Variants in PCDHA9 observed in about 807,000 individuals in gnomAD.
PCDHA9 encodes the protein protocadherin alpha-9.
A neutral mutation model predicts 62.0 loss-of-function variants in PCDHA9; 62 were observed. The observed-to-expected ratio is 1.00, with a 90% CI of 0.81 to 1.23. The LOEUF (loss-of-function observed/expected upper bound fraction) is 1.23, where lower values mean the gene tolerates loss of function less well. PCDHA9 is among the 50% of genes most tolerant of loss of function. PCDHA9 has a pLI of 0.00. For missense variants in PCDHA9, 1,205 were observed against 1,249.8 expected, an observed-to-expected ratio of 0.96 and a Z score of 0.54; for synonymous variants, 557 against 567.6, an observed-to-expected ratio of 0.98 and a Z score of 0.27.
At chr5:140,955,654 AT>A (rs1264049969) in intron 1 of PCDHA9, among the ~76,000 whole-genome samples, 1 of 152,208 alleles carries the variant, frequency 6.6e-6, no homozygotes, top group Non-Finnish European at 1.5e-5. Flanking sequence ...TAATACACAT[AT>A]GAATTTTAAC....
intron 3 of PCDHA9, among the ~76,000 whole-genome samples, chr5:140,996,163 A>G (rs183777507): frequency 4.8e-4 from 73 of 152,326 alleles, no homozygotes; most frequent in African/African-American, 1.5e-3. Flanking sequence ...TTATACTGCA[A>G]TGTGCTGACA....
intron 1 of PCDHA9, among the ~76,000 whole-genome samples, chr5:140,893,180 C>G (rs1388898676): frequency 6.6e-6 from 1 of 152,208 alleles, no homozygotes; most frequent in Non-Finnish European, 1.5e-5. Context: ...CACATAGTAG[C>G]TATTGTGAAT....
chr5:140,924,102 T>C (rs1227932285), intron 1 of PCDHA9, among the ~76,000 whole-genome samples: 1 of 152,242 alleles, frequency 6.6e-6, no homozygotes. Context: ...TAAATTTTCA[T>C]TCCAAAGCAG....
chr5:141,008,838 G>A (rs555239899), intron 3 of PCDHA9, among the ~76,000 whole-genome samples: 2 of 152,192 alleles, frequency 1.3e-5, no homozygotes, highest in South Asian at 2.1e-4. Context: ...ATCCTCTTAC[G>A]CTGTGTATTC....
At chr5:140,940,731 G>T (rs1195223562) in intron 1 of PCDHA9, among the ~76,000 whole-genome samples, 2 of 152,162 alleles carry the variant, frequency 1.3e-5, no homozygotes, top group Admixed American at 1.3e-4. Flanking sequence ...CAGCTGGACA[G>T]CTCCATATTT....
At chr5:140,856,459 A>G (rs566691333) in intron 1 of PCDHA9, 2 of 1,598,380 alleles carry the variant, frequency 1.3e-6, no homozygotes, top group South Asian at 2.2e-5. Flanking sequence ...TAACAGAACA[A>G]AAGCTCTCAA....
intron 1 of PCDHA9, chr5:140,852,499 A>G: frequency 3.9e-6 from 1 of 258,480 alleles, no homozygotes; most frequent in Non-Finnish European, 6.5e-6. Context: ...GTTGGTCTCG[A>G]ACTCCTGACC....
chr5:140,885,465 C>T (rs1363216895), intron 1 of PCDHA9, among the ~76,000 whole-genome samples: 1 of 152,144 alleles, frequency 6.6e-6, no homozygotes, highest in Non-Finnish European at 1.5e-5. Context: ...TAATGATGGG[C>T]AATCACTTTG....
chr5:140,905,215 AAGGTG>A (rs2071683869), intron 1 of PCDHA9, among the ~76,000 whole-genome samples: 1 of 152,186 alleles, frequency 6.6e-6, no homozygotes, highest in Non-Finnish European at 1.5e-5. Flanking sequence ...ATTTTTGTGT[AAGGTG>A]AGAGATGAGG....
chr5:140,908,816 G>T (rs1606122), intron 1 of PCDHA9, among the ~76,000 whole-genome samples: 42,837 of 152,040 alleles, frequency 0.28, 6,902 homozygotes, highest in East Asian at 0.53. Flanking sequence ...AGAGCCTTTT[G>T]GGTTACTCGA....
At chr5:140,980,284 T>C (rs1226756896) in intron 2 of PCDHA9, among the ~76,000 whole-genome samples, 6 of 152,182 alleles carry the variant, frequency 3.9e-5, no homozygotes, top group African/African-American at 1.4e-4. Flanking sequence ...TCTTGAAAAG[T>C]ACCAAAGCTA....
rs2096504149 is a variant in PCDHA9 at position 140,971,885 on chromosome 5, T to G, written c.2395-7064T>G. Among the ~76,000 whole-genome samples the G allele has an allele frequency of 2.0e-5, 3 of 152,134 alleles. No individual in the cohort carries two copies. In the South Asian group the frequency reaches 6.2e-4, roughly 31 times the overall value. ...ACATCTAGCATATGAGGAAATAAGC[T>G]CAGGGAGGTTAGGTAATCTACACAG... On this transcript the variant is annotated intron_variant, in intron 1 of 3. Coordinates refer to ENST00000532602, the MANE Select transcript of PCDHA9 (RefSeq NM_031857.2).
chr5:140,983,009 G>C (rs1272086703), intron 3 of PCDHA9, among the ~76,000 whole-genome samples: 2 of 151,884 alleles, frequency 1.3e-5, no homozygotes, highest in Non-Finnish European at 2.9e-5. Flanking sequence ...AAAGAAAAAG[G>C]AAGGAAGGAA....
intron 1 of PCDHA9, chr5:140,870,819 G>T: frequency 3.1e-6 from 5 of 1,613,714 alleles, no homozygotes; most frequent in Non-Finnish European, 4.2e-6. Context: ...CTGGCAGCGC[G>T]GGAGGCGCAG....
intron 1 of PCDHA9, among the ~76,000 whole-genome samples, chr5:140,918,972 A>G (rs782748846): frequency 6.6e-5 from 10 of 152,184 alleles, no homozygotes; most frequent in Non-Finnish European, 1.3e-4. Flanking sequence ...GATATCGTTT[A>G]GGTTAGTTGG....
intron 1 of PCDHA9, chr5:140,856,365 A>C: frequency 3.1e-6 from 5 of 1,598,426 alleles, no homozygotes; most frequent in Non-Finnish European, 2.6e-6. Flanking sequence ...ATCCACCTGG[A>C]GGTGATCGTG....
chr5:140,911,672 C>G (rs1010402307), intron 1 of PCDHA9, among the ~76,000 whole-genome samples: 1 of 152,156 alleles, frequency 6.6e-6, no homozygotes, highest in Non-Finnish European at 1.5e-5. Context: ...TTGCCTCTCA[C>G]GAACCGTGCA....
rs1554151505 is a variant in PCDHA9 at position 140,858,367 on chromosome 5, C to T, written c.2394+7478C>T. 1.8e-5 allele frequency: 28 copies of T among 1,590,300 alleles called. 2 individuals carry two copies. Among genetic ancestry groups the T allele is most frequent in the Non-Finnish European group, 2.3e-5 (27 of 1,162,754 alleles). On this transcript the variant is annotated intron_variant, in intron 1 of 3. Transcript: ENST00000532602. ...CGGACCTCATGGCCTTCAGCCCCAG[C>T]CTTCCACCATGCCCAATGGTAGATG...
chr5:140,931,209 A>C (rs1554208285), intron 1 of PCDHA9, among the ~76,000 whole-genome samples: 1 of 152,184 alleles, frequency 6.6e-6, no homozygotes, highest in African/African-American at 2.4e-5. Context: ...CTAGTATTTC[A>C]GGTATCAGAG....
Sources: allele counts gnomAD v4.1 joint callset (sites outside exome capture counted in the v4.1 genomes callset), GRCh38; gene constraint gnomAD v4.1.1; transcripts MANE v1.5; gene names NCBI Gene and HGNC (gene_info 2026-07-23, HGNC 2026-07-21).